CLYBL: variants seen among roughly 807,000 people sequenced by gnomAD.
The protein encoded by CLYBL is citramalyl-CoA lyase, mitochondrial.
Under a neutral mutation model 38.9 loss-of-function variants are expected in CLYBL, and 31 were observed. The ratio of observed to expected loss-of-function variants is 0.80; its 90% CI spans 0.60 to 1.08. The LOEUF is 1.08. CLYBL is among the 50% of genes least tolerant of loss of function. The pLI, the probability that CLYBL is intolerant of heterozygous loss-of-function variation, is 0.00. For synonymous variants in CLYBL, 171 were observed against 158.6 expected (o/e 1.08, Z -0.59); for missense variants, 434 against 411.6 (o/e 1.05, Z -0.47).
chr13:99,683,652 C>A (rs1313286759), intron 1 of CLYBL, among the ~76,000 whole-genome samples: 1 of 151,820 alleles, frequency 6.6e-6, no homozygotes, highest in Non-Finnish European at 1.5e-5. Flanking sequence ...GGCAATAACA[C>A]GCACAGAGCT....
chr13:99,795,551 G>C (rs972276648), intron 2 of CLYBL, among the ~76,000 whole-genome samples: 2 of 152,252 alleles, frequency 1.3e-5, no homozygotes, highest in African/African-American at 4.8e-5. Flanking sequence ...TTACTCAGGA[G>C]TCTGAGATGG....
chr13:99,845,495 G>T (rs1295580619), intron 2 of CLYBL, among the ~76,000 whole-genome samples: 1 of 152,268 alleles, frequency 6.6e-6, no homozygotes, highest in Admixed American at 6.5e-5. Context: ...TGCGGAAAAA[G>T]TCAATGTGAA....
intron 9 of CLYBL, among the ~76,000 whole-genome samples, chr13:99,907,251 T>C (rs2052706730): frequency 6.6e-6 from 1 of 152,176 alleles, no homozygotes; most frequent in African/African-American, 2.4e-5. Flanking sequence ...GATCCTAACA[T>C]CCCTGTGCCT....
At chr13:99,777,480 C>CCTTTT (rs1173943804) in intron 2 of CLYBL, among the ~76,000 whole-genome samples, 1 of 144,120 alleles carries the variant, frequency 6.9e-6, no homozygotes, top group African/African-American at 2.5e-5. Flanking sequence ...TTTCTTTCTT[C>CCTTTT]CTTTTCTTTT....
intron 2 of CLYBL, among the ~76,000 whole-genome samples, chr13:99,851,415 G>A (rs887619759): frequency 6.8e-6 from 1 of 147,334 alleles, no homozygotes; most frequent in Non-Finnish European, 1.5e-5. Flanking sequence ...GGTGATGGTT[G>A]ACAATGTTGC....
chr13:99,842,713 T>TAAA (rs61340475), intron 2 of CLYBL, among the ~76,000 whole-genome samples: 5 of 148,246 alleles, frequency 3.4e-5, no homozygotes, highest in African/African-American at 1.2e-4. Flanking sequence ...CCCTTTTTTT[T>TAAA]AAAAAAAAAA....
At chr13:99,763,548 C>CTTTTTTTTTT (rs59409196) in intron 1 of CLYBL, among the ~76,000 whole-genome samples, 10 of 116,158 alleles carry the variant, frequency 8.6e-5, no homozygotes, top group African/African-American at 1.7e-4. Context: ...TCTTTTTATT[C>CTTTTTTTTTT]TTTTTTTTTT....
rs552190922 is a variant in CLYBL, at chr13:99,865,952, G to T, written c.635-288G>T. On this transcript the variant is annotated intron_variant, in intron 5 of 8. Coordinates refer to ENST00000339105, the MANE Select transcript of CLYBL (RefSeq NM_206808.5). This position sits in a 1 kb window ranked among gnomAD's most constrained non-coding sequence, Gnocchi z 4.7. ...TAAGAAGGAAAAAAATATATCAGGA[G>T]TCCCTTGCGACCCTGACCCAGCCTC... Among the ~76,000 whole-genome samples the T allele has an allele frequency of 5.9e-5, 9 of 152,286 alleles. No homozygotes were observed. Among genetic ancestry groups the T allele is most frequent in the Non-Finnish European group, 1.2e-4 (8 of 68,024 alleles).
intron 1 of CLYBL, among the ~76,000 whole-genome samples, chr13:99,675,753 A>G (rs755090206): frequency 1.5e-4 from 23 of 152,240 alleles, no homozygotes; most frequent in Admixed American, 8.5e-4. Context: ...GTACTAATAT[A>G]TACCACATTT....
At chr13:99,687,202 A>G (rs1453044170) in intron 1 of CLYBL, among the ~76,000 whole-genome samples, 1 of 152,208 alleles carries the variant, frequency 6.6e-6, no homozygotes, top group African/African-American at 2.4e-5. Context: ...CCAGGCTCAG[A>G]AATTGCAAGA....
chr13:99,888,672 C>T (rs1420132760), intron 7 of CLYBL, among the ~76,000 whole-genome samples: 1 of 152,028 alleles, frequency 6.6e-6, no homozygotes, highest in African/African-American at 2.4e-5. Flanking sequence ...AGAATCGAAC[C>T]CGGGAGGCGG....
chr13:99,663,111 A>G (rs2047432803), intron 1 of CLYBL, among the ~76,000 whole-genome samples: 2 of 152,190 alleles, frequency 1.3e-5, no homozygotes, highest in African/African-American at 2.4e-5. Flanking sequence ...TGTGATGAAA[A>G]CGGAGCAGTG....
chr13:99,613,953 T>A (rs2046668337), intron 1 of CLYBL, among the ~76,000 whole-genome samples: 1 of 152,184 alleles, frequency 6.6e-6, no homozygotes, highest in Non-Finnish European at 1.5e-5. Flanking sequence ...CCCAATCCTC[T>A]CAGTCGCCTG....
At chr13:99,871,209 G>C in intron 7 of CLYBL, 147 bp downstream of exon 7, 1 of 911,122 alleles carries the variant, frequency 1.1e-6, no homozygotes, top group Non-Finnish European at 1.7e-6. Flanking sequence ...TCACCAGTGA[G>C]AAAATTGCTT....
At chr13:99,712,462 G>A (rs1246756770) in intron 1 of CLYBL, among the ~76,000 whole-genome samples, 1 of 150,954 alleles carries the variant, frequency 6.6e-6, no homozygotes, top group Non-Finnish European at 1.5e-5. Flanking sequence ...AGCCTCCCAA[G>A]TAGCTGGGAA....
At chr13:99,716,477 G>A (rs140798407) in intron 1 of CLYBL, among the ~76,000 whole-genome samples, 20 of 149,128 alleles carry the variant, frequency 1.3e-4, no homozygotes, top group African/African-American at 4.0e-4. Context: ...TCCGCCTCCC[G>A]GGTCCAAATG....
Position 99,754,416 on chromosome 13 carries a change from C to CCAA in CLYBL, c.63-18408_63-18407insCAA, listed in dbSNP as rs1454742490. The stretch of plus-strand genomic sequence containing the variant: ...TGGGCAACAGCGTGAGACCCTGTCT[C>CCAA]AAAAAAAAAAAAAAAAAAAAAAAGA... On this transcript the variant is annotated intron_variant, in intron 1 of 8. Coordinates refer to ENST00000339105, the MANE Select transcript of CLYBL (RefSeq NM_206808.5). 2.2e-4 allele frequency among the ~76,000 whole-genome samples: 16 copies of CCAA among 71,854 alleles called. 1 individual carries two copies. Among genetic ancestry groups the CCAA allele is most frequent in the Admixed American group, 4.7e-4 (3 of 6,450 alleles). The allele number at this position is 71,854 out of a possible 152,430, so 47.1% of individuals were successfully genotyped here.
intron 2 of CLYBL, among the ~76,000 whole-genome samples, chr13:99,829,532 G>GGTT (rs766621073): frequency 1.3e-5 from 2 of 152,036 alleles, no homozygotes; most frequent in Non-Finnish European, 1.5e-5. Flanking sequence ...ATAAAAGCAG[G>GGTT]GTTGTTGTTG....
chr13:99,753,476 T>A (rs2048994701), intron 1 of CLYBL, among the ~76,000 whole-genome samples: 1 of 152,162 alleles, frequency 6.6e-6, no homozygotes, highest in South Asian at 2.1e-4. Context: ...TTAACGCCCA[T>A]GTATGTTAGC....
Sources: allele counts gnomAD v4.1 joint callset (sites outside exome capture counted in the v4.1 genomes callset), GRCh38; gene constraint gnomAD v4.1.1; non-coding constraint Gnocchi (gnomAD v3.1); transcripts MANE v1.5; gene names NCBI Gene and HGNC (gene_info 2026-07-23, HGNC 2026-07-21).